FSTL5: variants seen among roughly 807,000 people sequenced by gnomAD.
FSTL5 encodes the protein follistatin-related protein 5.
FSTL5 carries 62 observed loss-of-function variants against 89.1 expected under a neutral mutation model. The observed-to-expected ratio is 0.70, with a 90% CI of 0.57 to 0.86. The LOEUF is 0.86. FSTL5 is among the 40% of genes least tolerant of loss of function. FSTL5 has a pLI of 0.00. For missense variants in FSTL5, 1,057 were observed against 1,001.6 expected, an observed-to-expected ratio of 1.06 and a Z score of -0.75; for synonymous variants, 383 against 346.2, an observed-to-expected ratio of 1.11 and a Z score of -1.18.
At chr4:161,481,220 T>G in intron 12 of FSTL5, 51 bp from the exon 13 acceptor site, 2 of 1,389,392 alleles carry the variant, frequency 1.4e-6, no homozygotes, top group Non-Finnish European at 2.0e-6. Flanking sequence ...TTATAACACA[T>G]GCCTGACAAT....
At chr4:161,692,049 G>A (rs536422836) in intron 6 of FSTL5, among the ~76,000 whole-genome samples, 141 of 151,848 alleles carry the variant, frequency 9.3e-4, no homozygotes, top group African/African-American at 3.3e-3. Flanking sequence ...TAGAGAAATA[G>A]TTATTTCCTT....
At chr4:162,092,965 A>G (rs1367774567) in intron 2 of FSTL5, among the ~76,000 whole-genome samples, 1 of 151,294 alleles carries the variant, frequency 6.6e-6, no homozygotes, top group African/African-American at 2.4e-5. Flanking sequence ...AAAAAAAAAA[A>G]AAAAAAGAAA....
intron 7 of FSTL5, among the ~76,000 whole-genome samples, chr4:161,651,908 T>C (rs1578996376): frequency 6.6e-6 from 1 of 152,138 alleles, no homozygotes; most frequent in African/African-American, 2.4e-5. Flanking sequence ...CAAACATCAA[T>C]TGAATATCAA....
chr4:162,073,333 A>G (rs1347217449), intron 2 of FSTL5, among the ~76,000 whole-genome samples: 1 of 151,758 alleles, frequency 6.6e-6, no homozygotes, highest in Non-Finnish European at 1.5e-5. Flanking sequence ...TAAATTGACT[A>G]GTTTAGGAAA....
chr4:161,874,265 T>A (rs1004825735), intron 4 of FSTL5, among the ~76,000 whole-genome samples: 2 of 152,086 alleles, frequency 1.3e-5, no homozygotes, highest in Non-Finnish European at 2.9e-5. Context: ...AAGGCTTTTT[T>A]AAAATTAGGT....
intron 3 of FSTL5, among the ~76,000 whole-genome samples, chr4:162,032,149 T>A (rs1226566241): frequency 6.6e-6 from 1 of 152,138 alleles, no homozygotes; most frequent in South Asian, 2.1e-4. Flanking sequence ...CAATAAAGTA[T>A]CAAGTAGAAA....
chr4:161,964,918 G>T (rs1056521654), intron 3 of FSTL5, among the ~76,000 whole-genome samples: 128 of 151,882 alleles, frequency 8.4e-4, no homozygotes, highest in African/African-American at 2.9e-3. Context: ...TAACACATTA[G>T]ACTCTCCTTA....
intron 4 of FSTL5, among the ~76,000 whole-genome samples, chr4:161,891,227 A>T (rs1045992223): frequency 3.9e-5 from 6 of 152,058 alleles, no homozygotes; most frequent in African/African-American, 1.4e-4. Flanking sequence ...GTTTTAACTC[A>T]TTCACTGTTT....
At chr4:161,459,707 T>C (rs1176691315) in intron 13 of FSTL5, among the ~76,000 whole-genome samples, 1 of 151,978 alleles carries the variant, frequency 6.6e-6, no homozygotes, top group African/African-American at 2.4e-5. Flanking sequence ...TAATTAAGTG[T>C]TGAATACAGG....
intron 2 of FSTL5, among the ~76,000 whole-genome samples, chr4:162,037,571 T>C (rs1477071179): frequency 1.3e-5 from 2 of 151,922 alleles, no homozygotes; most frequent in African/African-American, 4.8e-5. Context: ...ATTGATATTA[T>C]ATTTCACTGT....
chr4:161,880,201 T>C (rs1370981282), intron 4 of FSTL5, among the ~76,000 whole-genome samples: 4 of 152,120 alleles, frequency 2.6e-5, no homozygotes, highest in Admixed American at 6.6e-5. Context: ...ATTTTAAATA[T>C]TTAATCCTTG....
intron 2 of FSTL5, among the ~76,000 whole-genome samples, chr4:162,079,034 C>T (rs889776366): frequency 2.0e-5 from 3 of 151,732 alleles, no homozygotes; most frequent in Admixed American, 6.6e-5. Flanking sequence ...GGAGGAAGGA[C>T]GTTTTACGAT....
intron 4 of FSTL5, among the ~76,000 whole-genome samples, chr4:161,843,432 C>A (rs1579134403): frequency 6.6e-6 from 1 of 152,116 alleles, no homozygotes; most frequent in Non-Finnish European, 1.5e-5. Context: ...CCTCTTATTT[C>A]CTTGAGCAGT....
intron 6 of FSTL5, among the ~76,000 whole-genome samples, chr4:161,680,923 T>A (rs1430827175): frequency 5.3e-5 from 8 of 152,030 alleles, no homozygotes; most frequent in Non-Finnish European, 1.2e-4. Flanking sequence ...TGTAAGTTCC[T>A]TTTTGGTATT....
intron 3 of FSTL5, among the ~76,000 whole-genome samples, chr4:161,959,589 T>A (rs1327148174): frequency 6.6e-6 from 1 of 152,120 alleles, no homozygotes; most frequent in South Asian, 2.1e-4. Flanking sequence ...TTTAAATTAA[T>A]ATATTTTAAT....
At chr4:162,158,059 T>C (rs1475350165) in intron 1 of FSTL5, among the ~76,000 whole-genome samples, 6 of 152,142 alleles carry the variant, frequency 3.9e-5, no homozygotes, top group African/African-American at 1.4e-4. Context: ...TATTTAATCT[T>C]GATTTAATCT....
intron 12 of FSTL5, among the ~76,000 whole-genome samples, chr4:161,487,115 A>G (rs1375589649): frequency 6.6e-6 from 1 of 152,202 alleles, no homozygotes; most frequent in African/African-American, 2.4e-5. Flanking sequence ...TAATTTGGCA[A>G]TGAATCATAT....
chr4:161,941,874 T>G (rs1298026320), intron 3 of FSTL5, among the ~76,000 whole-genome samples: 1 of 151,978 alleles, frequency 6.6e-6, no homozygotes, highest in Non-Finnish European at 1.5e-5. Context: ...CCCCAGGATA[T>G]GTTAGGCCAC....
chr4:161,488,348 G>C (rs1729749841), intron 12 of FSTL5, among the ~76,000 whole-genome samples: 1 of 152,000 alleles, frequency 6.6e-6, no homozygotes, highest in Non-Finnish European at 1.5e-5. Flanking sequence ...TAGGTAGCAT[G>C]GTTTTGCTTT....
Sources: allele counts gnomAD v4.1 joint callset (sites outside exome capture counted in the v4.1 genomes callset), GRCh38; gene constraint gnomAD v4.1.1; transcripts MANE v1.5; gene names NCBI Gene and HGNC (gene_info 2026-07-23, HGNC 2026-07-21).